Variants in NLGN1 observed in about 807,000 individuals in gnomAD.
NLGN1 encodes neuroligin-1.
NLGN1 carries 12 observed loss-of-function variants against 65.5 expected under a neutral mutation model. That is an observed-to-expected ratio of 0.18 (90% confidence interval 0.12 to 0.30). NLGN1 has a LOEUF of 0.30. NLGN1 is among the 10% of genes least tolerant of loss of function. NLGN1 has a pLI of 1.00. For synonymous variants in NLGN1, 350 were observed against 359.5 expected (o/e 0.97, Z 0.30); for missense variants, 750 against 1,007.1 (o/e 0.74, Z 3.46).
At chr3:173,805,778 G>T (rs1181483340) in intron 3 of NLGN1, among the ~76,000 whole-genome samples, 1 of 152,110 alleles carries the variant, frequency 6.6e-6, no homozygotes, top group African/African-American at 2.4e-5. Flanking sequence ...ATTTATTATT[G>T]CTTTTTCAGT....
chr3:173,521,162 A>G (rs565424866), intron 2 of NLGN1, among the ~76,000 whole-genome samples: 169 of 152,348 alleles, frequency 1.1e-3, no homozygotes, highest in Non-Finnish European at 1.6e-3. Flanking sequence ...AGTATTTAAT[A>G]ACCTGCTGCT....
chr3:174,124,548 T>G (rs960030700), intron 4 of NLGN1, among the ~76,000 whole-genome samples: 2 of 147,368 alleles, frequency 1.4e-5, no homozygotes, highest in African/African-American at 4.9e-5. Context: ...TACATATACT[T>G]ATATATATAC....
chr3:174,043,916 C>A (rs1732931961), intron 4 of NLGN1, among the ~76,000 whole-genome samples: 1 of 152,228 alleles, frequency 6.6e-6, no homozygotes, highest in South Asian at 2.1e-4. Flanking sequence ...CTGCAGCCTG[C>A]AGCACACTTC....
chr3:173,445,635 G>A (rs1560263068), intron 2 of NLGN1, among the ~76,000 whole-genome samples: 1 of 152,176 alleles, frequency 6.6e-6, no homozygotes, highest in Non-Finnish European at 1.5e-5. Context: ...AGATATGTTG[G>A]ACAGTTTTCT....
intron 4 of NLGN1, among the ~76,000 whole-genome samples, chr3:173,902,987 T>C (rs2152188144): frequency 6.6e-6 from 1 of 152,242 alleles, no homozygotes; most frequent in South Asian, 2.1e-4. Context: ...CAAAATGCTA[T>C]AGGAATTTGA....
At chr3:174,138,876 G>C (rs1721753229) in intron 4 of NLGN1, among the ~76,000 whole-genome samples, 1 of 152,100 alleles carries the variant, frequency 6.6e-6, no homozygotes, top group South Asian at 2.1e-4. Flanking sequence ...AAAGGGAAAA[G>C]GTGGTGCTGA....
At chr3:173,925,136 G>A (rs1393197128) in intron 4 of NLGN1, among the ~76,000 whole-genome samples, 1 of 151,928 alleles carries the variant, frequency 6.6e-6, no homozygotes, top group Non-Finnish European at 1.5e-5. Flanking sequence ...ATAAAATGCA[G>A]GAATATTAAT....
In NLGN1 at chr3:174,128,088, TGA is replaced by T. The variant is rs571161997; in HGVS notation, c.647-147224_647-147223del. On this transcript the variant is annotated intron_variant, in intron 4 of 6. Coordinates refer to ENST00000457714, the Ensembl canonical transcript of NLGN1. ...ACTGAATGAATGACTTAATGCTAAA[TGA>T]GAAACCATTGCTACGAAACCTCCTA... Among the ~76,000 whole-genome samples the T allele has an allele frequency of 1.5e-3, 224 of 152,284 alleles. 2 individuals are homozygous for T. Among genetic ancestry groups the T allele is most frequent in the Non-Finnish European group, 2.1e-4 (14 of 68,012 alleles).
intron 3 of NLGN1, among the ~76,000 whole-genome samples, chr3:173,673,900 G>C (rs963788238): frequency 1.3e-5 from 2 of 152,068 alleles, no homozygotes; most frequent in Non-Finnish European, 2.9e-5. Flanking sequence ...GGGCTCAAAG[G>C]CTCCATTACA....
chr3:174,107,640 G>GA (rs1280653242), intron 4 of NLGN1, among the ~76,000 whole-genome samples: 2 of 151,904 alleles, frequency 1.3e-5, no homozygotes, highest in African/African-American at 4.8e-5. Flanking sequence ...ATTTCCCTGA[G>GA]AAAAAAATTC....
chr3:173,610,661 G>T (rs1577522684), intron 3 of NLGN1, among the ~76,000 whole-genome samples: 1 of 151,948 alleles, frequency 6.6e-6, no homozygotes, highest in South Asian at 2.1e-4. Flanking sequence ...GGTAAACCAA[G>T]ATTTTTTTTG....
intron 2 of NLGN1, among the ~76,000 whole-genome samples, chr3:173,597,658 A>G (rs966327923): frequency 2.0e-5 from 3 of 150,540 alleles, no homozygotes; most frequent in Non-Finnish European, 3.0e-5. Flanking sequence ...AGTAAAAAAT[A>G]TGGTTTGGTT....
intron 2 of NLGN1, among the ~76,000 whole-genome samples, chr3:173,469,388 T>G (rs1023039947): frequency 3.9e-5 from 6 of 152,102 alleles, no homozygotes; most frequent in Admixed American, 3.9e-4. Context: ...TACTCCAAGT[T>G]ACACTGATGA....
intron 4 of NLGN1, among the ~76,000 whole-genome samples, chr3:174,078,057 GA>G (rs1255914541): frequency 4.0e-5 from 6 of 151,836 alleles, no homozygotes; most frequent in East Asian, 1.9e-4. Context: ...TTTGTCTACA[GA>G]AGAAAAAAAT....
At chr3:173,658,604 G>A (rs993488880) in intron 3 of NLGN1, among the ~76,000 whole-genome samples, 4 of 151,934 alleles carry the variant, frequency 2.6e-5, no homozygotes, top group Admixed American at 6.6e-5. Context: ...TTACAGAACC[G>A]GGAAAAATGA....
At chr3:174,016,776 AG>A (rs1284513717) in intron 4 of NLGN1, among the ~76,000 whole-genome samples, 1 of 152,174 alleles carries the variant, frequency 6.6e-6, no homozygotes, top group Non-Finnish European at 1.5e-5. Flanking sequence ...TTAGCAAGAG[AG>A]GGGGAAATAC....
At chr3:173,479,531 C>T (rs964569449) in intron 2 of NLGN1, among the ~76,000 whole-genome samples, 1 of 152,124 alleles carries the variant, frequency 6.6e-6, no homozygotes, top group Non-Finnish European at 1.5e-5. Context: ...TTGATGGTCA[C>T]TGTGATGTCC....
intron 3 of NLGN1, among the ~76,000 whole-genome samples, chr3:173,718,029 C>T (rs1770162161): frequency 1.3e-5 from 2 of 151,982 alleles, no homozygotes; most frequent in African/African-American, 4.8e-5. Flanking sequence ...TGACATTAAA[C>T]AACTATACAT....
At chr3:173,529,711 C>A (rs1736228997) in intron 2 of NLGN1, among the ~76,000 whole-genome samples, 1 of 152,108 alleles carries the variant, frequency 6.6e-6, no homozygotes, top group Non-Finnish European at 1.5e-5. Flanking sequence ...TGGGGTGGAA[C>A]CTCTTTGTTC....
Sources: gnomAD v4.1 joint callset for allele counts (sites outside exome capture counted in the v4.1 genomes callset) on GRCh38, gnomAD v4.1.1 for gene constraint, MANE v1.5 for transcripts, NCBI Gene and HGNC (gene_info 2026-07-23, HGNC 2026-07-21) for gene names.